ITGA8: variants seen among roughly 807,000 people sequenced by gnomAD.
ITGA8 encodes the protein integrin alpha-8.
Under a neutral mutation model 142.3 loss-of-function variants are expected in ITGA8, and 91 were observed. The ratio of observed to expected loss-of-function variants is 0.64; its 90% confidence interval spans 0.54 to 0.76. ITGA8 has a LOEUF of 0.76. ITGA8 is among the 30% of genes least tolerant of loss of function. The pLI, the probability that ITGA8 is intolerant of heterozygous loss-of-function variation, is 0.00. For synonymous variants in ITGA8, 505 were observed against 485.2 expected, an observed-to-expected ratio of 1.04 and a Z score of -0.54; for missense variants, 1,406 against 1,327.7, an observed-to-expected ratio of 1.06 and a Z score of -0.92.
chr10:15,712,703 ACT>A (rs1486057469), intron 2 of ITGA8, among the ~76,000 whole-genome samples: 1 of 152,142 alleles, frequency 6.6e-6, no homozygotes, highest in African/African-American at 2.4e-5. Flanking sequence ...AAAGTTGGCA[ACT>A]CTCTCCATCA....
chr10:15,549,227 T>TTTTTTTTA (rs1833746444), intron 26 of ITGA8, among the ~76,000 whole-genome samples: 1 of 121,342 alleles, frequency 8.2e-6, no homozygotes, highest in African/African-American at 4.0e-5. Context: ...TTTTTTTTTT[T>TTTTTTTTA]GAGACAGAGT....
chr10:15,535,756 C>T (rs1833418422), intron 27 of ITGA8, among the ~76,000 whole-genome samples: 1 of 152,154 alleles, frequency 6.6e-6, no homozygotes, highest in African/African-American at 2.4e-5. Context: ...AGAATAAAAG[C>T]AGGCTGCCTG....
intron 27 of ITGA8, among the ~76,000 whole-genome samples, chr10:15,542,473 T>G (rs1438214564): frequency 6.6e-6 from 1 of 152,336 alleles, no homozygotes; most frequent in African/African-American, 2.4e-5. Flanking sequence ...GATGTTTTCT[T>G]TATTGGATTC....
At chr10:15,544,310 A>C (rs56140821) in intron 27 of ITGA8, among the ~76,000 whole-genome samples, 26,259 of 150,366 alleles carry the variant, frequency 0.17, 2,399 homozygotes, top group Admixed American at 0.2. Flanking sequence ...CCAAAAAAAA[A>C]CAAAACAAAA....
rs1158365236 is a variant in ITGA8, at chr10:15,718,924, C to G, written c.210-25G>C. ...TCTGCAAAAGAGTTGGAGAAAGTCA[C>G]TCTTTGGGCGCCACAAAACCGTGCG... is the stretch of plus-strand genomic sequence containing the variant. On this transcript the variant is annotated intron_variant, in intron 1 of 29. Coordinates refer to ENST00000378076, the MANE Select transcript of ITGA8 (RefSeq NM_003638.3). 4 of 1,613,700 alleles carry G rather than the reference C, an allele frequency of 2.5e-6. No homozygotes were observed. In the Admixed American group the frequency reaches 6.7e-5, roughly 27 times the overall value.
Position 15,559,887 on chromosome 10 carries a change from C to A in ITGA8, c.2638-1685G>T, listed in dbSNP as rs554520441. ...AGCTAATGCATGTTGGGCTTAATAC[C>A]TAGGTAATGGGTTGACAGGTGCAGC... On this transcript the variant is annotated intron_variant, in intron 25 of 29. Transcript: ENST00000378076. Among the ~76,000 whole-genome samples, 17 of 152,106 alleles carry A rather than the reference C, an allele frequency of 1.1e-4. No homozygotes were observed. In the South Asian group the frequency reaches 3.3e-3, roughly 30 times the overall value.
intron 4 of ITGA8, among the ~76,000 whole-genome samples, chr10:15,682,815 T>C (rs1834761963): frequency 6.7e-6 from 1 of 149,274 alleles, no homozygotes. Context: ...CATCACACTA[T>C]TGCACTCCAG....
chr10:15,683,511 G>C (rs774061930), intron 4 of ITGA8, among the ~76,000 whole-genome samples: 1 of 152,170 alleles, frequency 6.6e-6, no homozygotes, highest in Non-Finnish European at 1.5e-5. Context: ...TGAAAAAAAG[G>C]ATTAAACATC....
intron 5 of ITGA8, 68 bp downstream of exon 5, chr10:15,678,654 G>T: frequency 9.9e-7 from 1 of 1,007,546 alleles, no homozygotes; most frequent in Non-Finnish European, 1.6e-6. Context: ...TGGGGTGTGG[G>T]AGTGAGAGGC....
chr10:15,668,828 A>G (rs539076383), intron 8 of ITGA8, among the ~76,000 whole-genome samples: 2 of 152,272 alleles, frequency 1.3e-5, no homozygotes, highest in East Asian at 3.9e-4. Flanking sequence ...TCTTTTCTTT[A>G]AGAATGTTGA....
Position 15,516,304 on chromosome 10 carries a change from A to T in ITGA8, c.*854T>A, listed in dbSNP as rs1832959884. The stretch of plus-strand genomic sequence containing the variant: ...ATGCAACATCTTGCAAAGCTAAATT[A>T]AGCAGATGTGAGTCCCTGGATAATG... On this transcript the variant is annotated 3_prime_UTR_variant, in exon 30 of 30. Coordinates refer to ENST00000378076, the MANE Select transcript of ITGA8 (RefSeq NM_003638.3). The T allele has an allele frequency of 6.6e-6, 1 of 152,226 alleles. No individual in the cohort carries two copies. Among genetic ancestry groups the T allele is most frequent in the African/African-American group, 2.4e-5 (1 of 41,466 alleles). The allele number at this position is 152,226 out of a possible 1,614,324, so 9.4% of individuals were successfully genotyped here.
intron 25 of ITGA8, among the ~76,000 whole-genome samples, chr10:15,565,838 C>T (rs1834069425): frequency 6.6e-6 from 1 of 151,852 alleles, no homozygotes; most frequent in Admixed American, 6.6e-5. Flanking sequence ...GATCCTCCTG[C>T]CTTGGCCTCC....
At position 15,628,879 on chromosome 10, in the gene ITGA8, G is replaced by T. The variant is rs144602459; in HGVS notation, c.1400-12320C>A. The stretch of plus-strand genomic sequence containing the variant: ...TATCAAAAAATTTAAAAATTAAAAA[G>T]GAACAATTAACTGTGCGAGTACTTT... On this transcript the variant is annotated intron_variant, in intron 13 of 29. Coordinates refer to ENST00000378076, the MANE Select transcript of ITGA8 (RefSeq NM_003638.3). Among the ~76,000 whole-genome samples, 362 of 151,934 alleles carry T rather than the reference G, an allele frequency of 2.4e-3. 6 individuals carry two copies. Among genetic ancestry groups the T allele is most frequent in the African/African-American group, 8.4e-3 (348 of 41,316 alleles).
At chr10:15,647,248 T>G (rs985487907) in intron 11 of ITGA8, among the ~76,000 whole-genome samples, 197 bp from the exon 12 acceptor site, 1 of 152,172 alleles carries the variant, frequency 6.6e-6, no homozygotes, top group Non-Finnish European at 1.5e-5. Flanking sequence ...AGCTGTTAAA[T>G]TATCACACTG....
chr10:15,570,477 G>A (rs1011302391), intron 25 of ITGA8, among the ~76,000 whole-genome samples: 4 of 152,006 alleles, frequency 2.6e-5, no homozygotes, highest in Non-Finnish European at 4.4e-5. Context: ...AGACGTGGTG[G>A]TACACGCCTG....
intron 7 of ITGA8, 22 bp from the exon 8 acceptor site, chr10:15,671,669 A>G (rs772921689): frequency 3.1e-6 from 5 of 1,587,760 alleles, no homozygotes; most frequent in Middle Eastern, 1.7e-4. Flanking sequence ...AAAAAGAAAC[A>G]AACTAATCAC....
intron 2 of ITGA8, among the ~76,000 whole-genome samples, chr10:15,705,192 G>A (rs1019841535): frequency 6.6e-6 from 1 of 152,070 alleles, no homozygotes; most frequent in Non-Finnish European, 1.5e-5. Context: ...AAAGGCAAAA[G>A]GTTACTTATC....
chr10:15,580,911 T>G lies in ITGA8; in HGVS notation c.2373-5317A>C, dbSNP rs1437608321. On this transcript the variant is annotated intron_variant, in intron 23 of 29. Coordinates refer to ENST00000378076, the MANE Select transcript of ITGA8 (RefSeq NM_003638.3). The stretch of plus-strand genomic sequence containing the variant: ...ACCGCTTCTATTGATCATGCACTGG[T>G]GGTTCTAGTCTATGCAATAAGGGAA... 3.3e-5 allele frequency among the ~76,000 whole-genome samples: 5 copies of G among 152,182 alleles called. No individual in the cohort carries two copies. In the East Asian group the frequency reaches 9.6e-4, roughly 29 times the overall value.
chr10:15,594,711 G>T (rs1361549022), intron 21 of ITGA8, among the ~76,000 whole-genome samples: 1 of 152,158 alleles, frequency 6.6e-6, no homozygotes, highest in African/African-American at 2.4e-5. Context: ...GAACCTGGGA[G>T]GTGGAGGTTG....
Sources: allele counts gnomAD v4.1 joint callset (sites outside exome capture counted in the v4.1 genomes callset), GRCh38; gene constraint gnomAD v4.1.1; transcripts MANE v1.5; gene names NCBI Gene and HGNC (gene_info 2026-07-23, HGNC 2026-07-21).